The following DSCAM variants were observed in gnomAD, a reference collection of about 807,000 sequenced individuals.
DSCAM encodes the protein DS cell adhesion molecule.
A neutral mutation model predicts 217.7 loss-of-function variants in DSCAM; 47 were observed. The observed-to-expected ratio is 0.22, with a 90% CI of 0.17 to 0.28. The LOEUF (loss-of-function observed/expected upper bound fraction) is 0.28, where lower values mean the gene tolerates loss of function less well. Among genes scored for constraint, DSCAM ranks in the 10% least tolerant of loss-of-function variants. The pLI is 1.00. For synonymous variants in DSCAM, 1,056 were observed against 1,015.3 expected, an observed-to-expected ratio of 1.04 and a Z score of -0.76; for missense variants, 2,080 against 2,618.3, an observed-to-expected ratio of 0.79 and a Z score of 4.49.
At chr21:40,706,959 C>G (rs1015753675) in intron 2 of DSCAM, among the ~76,000 whole-genome samples, 2 of 152,150 alleles carry the variant, frequency 1.3e-5, no homozygotes, top group Admixed American at 6.5e-5. Flanking sequence ...AGTAAAAGCA[C>G]AACTGGGTAG....
chr21:40,204,260 T>G (rs2091100637), intron 11 of DSCAM, among the ~76,000 whole-genome samples: 1 of 152,202 alleles, frequency 6.6e-6, no homozygotes, highest in African/African-American at 2.4e-5. Context: ...ATTCTATGCA[T>G]GTACATTCAT....
chr21:40,635,750 C>T (rs2089750248), intron 3 of DSCAM, among the ~76,000 whole-genome samples: 1 of 152,150 alleles, frequency 6.6e-6, no homozygotes, highest in Non-Finnish European at 1.5e-5. Flanking sequence ...TATTTCAATT[C>T]CAGGAAATAA....
At chr21:40,681,366 G>C (rs768617137) in intron 3 of DSCAM, among the ~76,000 whole-genome samples, 2 of 152,190 alleles carry the variant, frequency 1.3e-5, no homozygotes, top group Non-Finnish European at 2.9e-5. Context: ...TGGTGGTGTG[G>C]CTGCCAGCTG....
At chr21:40,655,295 T>C (rs1436375922) in intron 3 of DSCAM, among the ~76,000 whole-genome samples, 1 of 152,162 alleles carries the variant, frequency 6.6e-6, no homozygotes, top group Non-Finnish European at 1.5e-5. Context: ...TTTCTCTCAG[T>C]TCTAAAGGCT....
At chr21:40,843,944 C>T (rs2092123652) in intron 1 of DSCAM, among the ~76,000 whole-genome samples, 1 of 151,000 alleles carries the variant, frequency 6.6e-6, no homozygotes, top group African/African-American at 2.4e-5. Flanking sequence ...TTTAATAGCC[C>T]CAAATATTAA....
intron 1 of DSCAM, among the ~76,000 whole-genome samples, chr21:40,789,992 T>C (rs2091626304): frequency 6.6e-6 from 1 of 152,108 alleles, no homozygotes; most frequent in Non-Finnish European, 1.5e-5. Context: ...TTTGCCAATT[T>C]AGCGGAAATA....
intron 20 of DSCAM, among the ~76,000 whole-genome samples, chr21:40,101,972 G>C (rs1396643353): frequency 6.6e-6 from 1 of 152,100 alleles, no homozygotes; most frequent in Non-Finnish European, 1.5e-5. Context: ...TAATAGGAAG[G>C]GCTTGTAAAT....
chr21:40,490,213 C>T (rs1303167595), intron 3 of DSCAM, among the ~76,000 whole-genome samples: 1 of 152,158 alleles, frequency 6.6e-6, no homozygotes, highest in African/African-American at 2.4e-5. Context: ...TCCTGCCGGG[C>T]CCCTCCCATG....
intron 16 of DSCAM, among the ~76,000 whole-genome samples, chr21:40,163,959 T>C (rs2090567223): frequency 6.6e-6 from 1 of 152,196 alleles, no homozygotes; most frequent in South Asian, 2.1e-4. Context: ...ACACTTGTCT[T>C]CTAGGCCTCT....
chr21:40,078,642 TCCC>T (rs2089404423), intron 26 of DSCAM, 42 bp downstream of exon 26: 1 of 1,587,010 alleles, frequency 6.3e-7, no homozygotes, highest in African/African-American at 1.3e-5. Context: ...CACGTGCACA[TCCC>T]CCAAGACACA....
At chr21:40,506,295 A>G (rs1018221866) in intron 3 of DSCAM, among the ~76,000 whole-genome samples, 2 of 152,214 alleles carry the variant, frequency 1.3e-5, no homozygotes, top group African/African-American at 4.8e-5. Context: ...ATTCTAGCAA[A>G]TAAAATCTTC....
intron 16 of DSCAM, among the ~76,000 whole-genome samples, chr21:40,160,791 G>A (rs971623496): frequency 1.3e-5 from 2 of 152,036 alleles, no homozygotes; most frequent in Non-Finnish European, 2.9e-5. Flanking sequence ...TAACCTAACC[G>A]TTATACAAAA....
At chr21:40,148,941 C>A (rs1295628835) in intron 16 of DSCAM, among the ~76,000 whole-genome samples, 2 of 152,132 alleles carry the variant, frequency 1.3e-5, no homozygotes, top group Non-Finnish European at 2.9e-5. Context: ...ACCAACAAAC[C>A]ACACTTTAAC....
intron 16 of DSCAM, among the ~76,000 whole-genome samples, chr21:40,163,229 G>A (rs2090559927): frequency 1.3e-5 from 2 of 152,122 alleles, no homozygotes; most frequent in Admixed American, 1.3e-4. Context: ...CACTTTAGGA[G>A]ATAAACTAAA....
chr21:40,449,982 T>G (rs1050648963), intron 3 of DSCAM, among the ~76,000 whole-genome samples: 55 of 152,354 alleles, frequency 3.6e-4, no homozygotes, highest in African/African-American at 1.3e-3. Flanking sequence ...CATTTGATTT[T>G]TTGTGTTTCT....
At chr21:40,508,763 A>T (rs1568863008) in intron 3 of DSCAM, among the ~76,000 whole-genome samples, 9 of 3,794 alleles carry the variant, frequency 2.4e-3, no homozygotes, top group African/African-American at 4.3e-3. Flanking sequence ...ATATATATAT[A>T]TATATATATA....
chr21:40,605,394 T>C (rs2089219745), intron 3 of DSCAM, among the ~76,000 whole-genome samples: 1 of 152,208 alleles, frequency 6.6e-6, no homozygotes, highest in Non-Finnish European at 1.5e-5. Flanking sequence ...TTTCATGTTA[T>C]GAGCCCAGGA....
chr21:40,730,005 T>A (rs1162985001), intron 1 of DSCAM, among the ~76,000 whole-genome samples: 1 of 152,142 alleles, frequency 6.6e-6, no homozygotes, highest in Non-Finnish European at 1.5e-5. Context: ...CATAACAGAC[T>A]GGAGTTGAAC....
At chr21:40,477,510 T>A (rs1018104179) in intron 3 of DSCAM, among the ~76,000 whole-genome samples, 1 of 152,216 alleles carries the variant, frequency 6.6e-6, no homozygotes, top group Non-Finnish European at 1.5e-5. Context: ...GAGTCATCTA[T>A]AATTATTTCC....
Sources: gnomAD v4.1 joint callset for allele counts (sites outside exome capture counted in the v4.1 genomes callset) on GRCh38, gnomAD v4.1.1 for gene constraint, MANE v1.5 for transcripts, NCBI Gene and HGNC (gene_info 2026-07-23, HGNC 2026-07-21) for gene names.